Variants in EVI5 observed in about 807,000 individuals in gnomAD.
EVI5 encodes ecotropic viral integration site 5.
Under a neutral mutation model 112.0 loss-of-function variants are expected in EVI5, and 73 were observed. The ratio of observed to expected loss-of-function variants is 0.65; its 90% CI spans 0.54 to 0.79. The LOEUF is 0.79. EVI5 is among the 30% of genes least tolerant of loss of function. The pLI is 0.00. For synonymous variants in EVI5, 305 were observed against 319.9 expected (o/e 0.95, Z 0.50); for missense variants, 900 against 968.8 (o/e 0.93, Z 0.94).
intron 2 of EVI5, among the ~76,000 whole-genome samples, chr1:92,722,152 A>C (rs889932397): frequency 1.3e-5 from 2 of 151,992 alleles, no homozygotes; most frequent in Admixed American, 1.3e-4. Flanking sequence ...TACCTCTCAT[A>C]CTTTTTTTTG....
intron 1 of EVI5, among the ~76,000 whole-genome samples, 193 bp downstream of exon 1, chr1:92,784,643 G>A (rs1026470315): frequency 1.3e-5 from 2 of 151,728 alleles, no homozygotes; most frequent in South Asian, 2.1e-4. Flanking sequence ...GGGCGGCGGC[G>A]GCGGCGACAG....
intron 1 of EVI5, among the ~76,000 whole-genome samples, chr1:92,772,186 A>G (rs1683504484): frequency 6.6e-6 from 1 of 152,024 alleles, no homozygotes; most frequent in Non-Finnish European, 1.5e-5. Context: ...TCTAAAACTC[A>G]ATTCTGATTT....
intron 19 of EVI5, among the ~76,000 whole-genome samples, chr1:92,538,541 T>C (rs955937906): frequency 1.3e-5 from 2 of 152,166 alleles, no homozygotes; most frequent in Non-Finnish European, 2.9e-5. Context: ...ATTAACCAAA[T>C]ATGCACCTAG....
intron 2 of EVI5, chr1:92,714,279 A>C (rs1673286055): frequency 7.3e-6 from 2 of 273,068 alleles, no homozygotes; most frequent in Admixed American, 1.3e-4. Flanking sequence ...TTAAATTTTA[A>C]TTTTCTAAAA....
chr1:92,568,965 A>T (rs1288753425), intron 18 of EVI5, among the ~76,000 whole-genome samples: 1 of 152,226 alleles, frequency 6.6e-6, no homozygotes, highest in Non-Finnish European at 1.5e-5. Flanking sequence ...GTCAAAAGTT[A>T]TACATAGATT....
At chr1:92,676,288 T>G (rs1666735354) in intron 10 of EVI5, among the ~76,000 whole-genome samples, 1 of 151,844 alleles carries the variant, frequency 6.6e-6, no homozygotes, top group African/African-American at 2.4e-5. Flanking sequence ...AAAAATAAGG[T>G]GGTCATATAA....
chr1:92,525,980 T>C (rs552252094), intron 19 of EVI5, among the ~76,000 whole-genome samples: 1 of 152,336 alleles, frequency 6.6e-6, no homozygotes, highest in East Asian at 1.9e-4. Flanking sequence ...AAATGAAATA[T>C]ATGTTTCTTA....
At chr1:92,634,868 CCTTT>C (rs1658395583) in intron 14 of EVI5, among the ~76,000 whole-genome samples, 1 of 152,110 alleles carries the variant, frequency 6.6e-6, no homozygotes, top group Non-Finnish European at 1.5e-5. Context: ...GTGTGGATGT[CCTTT>C]CTGTTTGTTA....
At chr1:92,529,907 CATAA>C (rs1490785185) in intron 19 of EVI5, among the ~76,000 whole-genome samples, 9 of 152,016 alleles carry the variant, frequency 5.9e-5, no homozygotes, top group African/African-American at 1.9e-4. Context: ...ACTGTATTTT[CATAA>C]ATACTTTCAT....
At chr1:92,729,159 T>C (rs990811413) in intron 2 of EVI5, among the ~76,000 whole-genome samples, 1 of 152,152 alleles carries the variant, frequency 6.6e-6, no homozygotes, top group African/African-American at 2.4e-5. Context: ...TGTGAAACTG[T>C]GAAGGAAAAA....
intron 1 of EVI5, among the ~76,000 whole-genome samples, chr1:92,748,547 G>A (rs903037528): frequency 2.0e-5 from 3 of 152,110 alleles, no homozygotes; most frequent in Admixed American, 1.3e-4. Flanking sequence ...TTGTTACACC[G>A]CTACAGTAAC....
In EVI5 at chr1:92,545,054, T is replaced by C. The variant is rs536027533; in HGVS notation, c.2166+18588A>G. ...TAAGATATGGTTCATAAGAAGCACA[T>C]GATTTACTGTATGTACTACAGACTC... On this transcript the variant is annotated intron_variant, in intron 19 of 19. Transcript: ENST00000684568. 7.2e-5 allele frequency among the ~76,000 whole-genome samples: 11 copies of C among 152,304 alleles called. No homozygotes were observed. The East Asian group carries it at 1.7e-3, about 24-fold the overall frequency.
At chr1:92,592,535 C>A (rs890930907) in intron 18 of EVI5, among the ~76,000 whole-genome samples, 5 of 152,110 alleles carry the variant, frequency 3.3e-5, no homozygotes, top group Admixed American at 1.3e-4. Flanking sequence ...CAAACACATT[C>A]AAAAACTAGC....
chr1:92,771,835 C>T (rs957508092), intron 1 of EVI5, among the ~76,000 whole-genome samples: 2 of 151,188 alleles, frequency 1.3e-5, no homozygotes, highest in Non-Finnish European at 3.0e-5. Flanking sequence ...AAGTCTTATA[C>T]CCCACTGTAC....
rs143164585 is a variant in EVI5 at position 92,560,417 on chromosome 1, T to C, written c.2166+3225A>G. Among the ~76,000 whole-genome samples the C allele has an allele frequency of 6.9e-4, 105 of 152,348 alleles. 1 individual carries two copies. The highest frequency in any genetic ancestry group is 2.5e-3 in the African/African-American group (103 of 41,584). On this transcript the variant is annotated intron_variant, in intron 19 of 19. Transcript: ENST00000684568. ...GGAGAGAGTACGGGTTGAAAGAGTATGAACAGGGCTCTTGGGTCTATTTCT... is the reference window on the plus strand; with the variant it reads ...GGAGAGAGTACGGGTTGAAAGAGTACGAACAGGGCTCTTGGGTCTATTTCT...
intron 13 of EVI5, among the ~76,000 whole-genome samples, chr1:92,655,209 A>T (rs1022201199): frequency 6.6e-6 from 1 of 152,004 alleles, no homozygotes; most frequent in African/African-American, 2.4e-5. Context: ...AAAAAAAAAA[A>T]TCCTAAAATC....
intron 1 of EVI5, among the ~76,000 whole-genome samples, chr1:92,741,718 A>G (rs1423011420): frequency 6.6e-6 from 1 of 152,196 alleles, no homozygotes; most frequent in Non-Finnish European, 1.5e-5. Flanking sequence ...ACATTATTTC[A>G]TATTAACTCA....
intron 19 of EVI5, among the ~76,000 whole-genome samples, chr1:92,543,002 C>T (rs1665078174): frequency 6.6e-6 from 1 of 152,132 alleles, no homozygotes; most frequent in Admixed American, 6.6e-5. Flanking sequence ...CTTAAGAACC[C>T]TAGGGTTTTC....
intron 16 of EVI5, chr1:92,622,397 T>C: frequency 2.6e-6 from 1 of 387,220 alleles, no homozygotes; most frequent in Non-Finnish European, 5.1e-6. Context: ...CCTTTGTACT[T>C]AAGAAACTCT....
Sources: gnomAD v4.1 joint callset for allele counts (sites outside exome capture counted in the v4.1 genomes callset) on GRCh38, gnomAD v4.1.1 for gene constraint, MANE v1.5 for transcripts, NCBI Gene and HGNC (gene_info 2026-07-23, HGNC 2026-07-21) for gene names.